Variants in ATM observed in about 807,000 individuals in gnomAD.
ATM encodes serine-protein kinase ATM.
A neutral mutation model predicts 387.0 loss-of-function variants in ATM; 308 were observed. The ratio of observed to expected loss-of-function variants is 0.80; its 90% CI spans 0.73 to 0.87. The LOEUF is 0.87. Ranked by LOEUF, ATM falls within the 40% of genes least tolerant of loss-of-function variation. The pLI, the probability that ATM is intolerant of heterozygous loss-of-function variation, is 0.00. For missense variants in ATM, 3,312 were observed against 3,560.9 expected (o/e 0.93, Z 1.78); for synonymous variants, 1,156 against 1,187.3 (o/e 0.97, Z 0.54).
Position 108,317,421 on chromosome 11 carries a change from G to A in ATM, c.6247G>A (p.Gly2083Arg), listed in dbSNP as rs1060501586. ...CCATATTCTTTCCGTCTATTTAAAA[G>A]GATTGGATTATGAAAATAAAGACTG... ...LCHILSVYLK[G>R]LDYENKDWCP... The change falls in exon 43 of 63, where the codon GGA (glycine) becomes AGA (arginine). Residue 2083 changes from glycine (G) to arginine (R), a missense_variant. Transcript: ENST00000675843. 1.2e-6 allele frequency: 2 copies of A among 1,612,124 alleles called. No homozygotes were observed. Among genetic ancestry groups the A allele is most frequent in the African/African-American group, 2.7e-5 (2 of 74,584 alleles).
At position 108,366,406 on chromosome 11, in the gene ATM, T is replaced by A. The variant is rs2091333571; in HGVS notation, c.*898T>A. The stretch of plus-strand genomic sequence containing the variant: ...GATGTCATTTTTAATGTTTTTTTAA[T>A]GTTTTTTATGTCACTAATTATTTTA... On this transcript the variant is annotated 3_prime_UTR_variant, in exon 63 of 63. Transcript: ENST00000675843. 4.6e-6 allele frequency: 1 copy of A among 218,330 alleles called. No homozygotes were observed. The allele number at this position is 218,330 out of a possible 1,614,324, so 13.5% of individuals were successfully genotyped here. A position where few individuals can be genotyped will look rare whatever the true frequency, so the allele number is the denominator to read the frequency against.
chr11:108,324,437 TATG>T (rs551223578), intron 45 of ATM, among the ~76,000 whole-genome samples: 15 of 152,296 alleles, frequency 9.8e-5, no homozygotes, highest in Middle Eastern at 3.4e-3. Flanking sequence ...GTCTTTCTAA[TATG>T]ATATCATATC....
intron 5 of ATM, chr11:108,236,262 G>T: frequency 4.3e-6 from 1 of 234,964 alleles, no homozygotes; most frequent in Non-Finnish European, 8.5e-6. Context: ...AGTGAAAGCA[G>T]GCAGGGTGCA....
At chr11:108,327,252 G>A in intron 47 of ATM, 1 of 254,398 alleles carries the variant, frequency 3.9e-6, no homozygotes, top group Non-Finnish European at 7.7e-6. Context: ...TATTGGCCCT[G>A]AAGTATGTGC....
chr11:108,274,751 C>G (rs947499465), intron 22 of ATM, among the ~76,000 whole-genome samples: 1 of 152,090 alleles, frequency 6.6e-6, no homozygotes, highest in Non-Finnish European at 1.5e-5. Flanking sequence ...GATTTCCATT[C>G]TTTTGCATTT....
chr11:108,362,637 A>T (rs1464442246), intron 61 of ATM, among the ~76,000 whole-genome samples: 1 of 149,756 alleles, frequency 6.7e-6, no homozygotes, highest in African/African-American at 2.5e-5. Context: ...TGATGAGTTC[A>T]TGTCCTTTGT....
At chr11:108,321,556 G>A in intron 45 of ATM, 136 bp downstream of exon 45, 1 of 1,305,144 alleles carries the variant, frequency 7.7e-7, no homozygotes. Context: ...GCTGAAGTGG[G>A]TGGATCACTT....
At chr11:108,241,284 G>GT (rs2079542884) in intron 5 of ATM, among the ~76,000 whole-genome samples, 1 of 152,060 alleles carries the variant, frequency 6.6e-6, no homozygotes, top group Non-Finnish European at 1.5e-5. Context: ...GTTTTGTTTT[G>GT]TTTTTTAAGA....
intron 52 of ATM, 21 bp from the exon 53 acceptor site, chr11:108,332,741 T>C: frequency 6.2e-7 from 1 of 1,608,510 alleles, no homozygotes; most frequent in Non-Finnish European, 8.5e-7. Context: ...TTATGTAATG[T>C]TTTTTGTTTT....
At position 108,332,834 on chromosome 11, in the gene ATM, G is replaced by C. The variant is rs1555125355; in HGVS notation, c.7861G>C (p.Glu2621Gln). 6.2e-7 allele frequency: 1 copy of C among 1,613,176 alleles called. No individual in the cohort carries two copies. The highest frequency in any genetic ancestry group is 8.5e-7 in the Non-Finnish European group (1 of 1,179,542). The stretch of plus-strand genomic sequence containing the variant: ...GAGACCTCAGATGGTCAGAAGTGTT[G>C]AGGCACTTTGTGATGCTTATATTAT... ...SRRPQMVRSVEALCDAYIILA... is the reference protein window; with the variant it reads ...SRRPQMVRSVQALCDAYIILA... The change falls in exon 53 of 63, where the codon GAG becomes CAG. Residue 2621 changes from glutamate to glutamine, a missense_variant. This residue lies in a region of ATM where 1,405 missense variants were observed against 1,604.4 expected (regional missense o/e 0.88). Coordinates refer to ENST00000675843, the MANE Select transcript of ATM (RefSeq NM_000051.4).
intron 47 of ATM, 152 bp downstream of exon 47, chr11:108,326,377 T>C: frequency 2.6e-6 from 3 of 1,176,182 alleles, no homozygotes; most frequent in Non-Finnish European, 3.5e-6. Context: ...AAAATTAATT[T>C]GTAAATGAAG....
Position 108,366,397 on chromosome 11 carries a change from T to G in ATM, c.*889T>G. On this transcript the variant is annotated 3_prime_UTR_variant, in exon 63 of 63. Transcript: ENST00000675843. Reference sequence around the variant, plus strand: ...CTGTTTCTTGATGTCATTTTTAATGTTTTTTTAATGTTTTTTATGTCACTA... The same window carrying G: ...CTGTTTCTTGATGTCATTTTTAATGGTTTTTTAATGTTTTTTATGTCACTA... 1 of 215,802 alleles carries G rather than the reference T, an allele frequency of 4.6e-6. No homozygotes were observed. Among genetic ancestry groups the G allele is most frequent in the Non-Finnish European group, 9.2e-6 (1 of 108,364 alleles). The allele number at this position is 215,802 out of a possible 1,614,324, so 13.4% of individuals were successfully genotyped here.
intron 59 of ATM, among the ~76,000 whole-genome samples, chr11:108,352,291 A>T (rs1376914708): frequency 6.6e-6 from 1 of 152,238 alleles, no homozygotes; most frequent in South Asian, 2.1e-4. Context: ...AAAATATAGT[A>T]AGTCTCAGCA....
intron 18 of ATM, among the ~76,000 whole-genome samples, chr11:108,270,031 T>C (rs1002356005): frequency 1.3e-5 from 2 of 152,226 alleles, no homozygotes; most frequent in African/African-American, 4.8e-5. Flanking sequence ...ATTTCCTTTG[T>C]TAATATCTGA....
rs1267788108 is a variant in ATM at position 108,279,580 on chromosome 11, T to G, written c.3374T>G (p.Leu1125Trp). The change falls in exon 23 of 63, where the codon TTG becomes TGG. Residue 1125 changes from leucine to tryptophan, a missense_variant. By Grantham distance (61) the Leu-to-Trp change is moderately conservative. Coordinates refer to ENST00000675843, the MANE Select transcript of ATM (RefSeq NM_000051.4). The part of the protein sequence containing the change: ...LQQTAFENAY[L>W]KAQEGMREMS... ...CAAACAGCTTTTGAAAATGCATACT[T>G]GAAAGCTCAGGAAGGAATGAGAGAA... is the stretch of plus-strand genomic sequence containing the variant. 1 of 1,612,746 alleles carries G rather than the reference T, an allele frequency of 6.2e-7. No individual in the cohort carries two copies. Among genetic ancestry groups the G allele is most frequent in the African/African-American group, 1.3e-5 (1 of 75,004 alleles).
At position 108,293,316 on chromosome 11, in the gene ATM, T is replaced by G; in HGVS notation, c.4615T>G (p.Leu1539Val). Residue 1539 changes from leucine to valine, a missense_variant, in exon 31 of 63, where the codon TTG (leucine) becomes GTG (valine). Coordinates refer to ENST00000675843, the MANE Select transcript of ATM (RefSeq NM_000051.4). ...TTTCTTTTTAAATTATATTTAGGTATTGGACTTGTTGAAATACTTAGTGAT... is the reference window on the plus strand; with the variant it reads ...TTTCTTTTTAAATTATATTTAGGTAGTGGACTTGTTGAAATACTTAGTGAT... Reference protein sequence around the residue: ...YEQVEVQKQVLDLLKYLVIDN... With the variant: ...YEQVEVQKQVVDLLKYLVIDN... The G allele has an allele frequency of 6.5e-7, 1 of 1,529,164 alleles. No individual in the cohort carries two copies. Among genetic ancestry groups the G allele is most frequent in the Non-Finnish European group, 9.0e-7 (1 of 1,116,170 alleles). The allele number at this position is 1,529,164 out of a possible 1,614,324, so 94.7% of individuals were successfully genotyped here.
At chr11:108,354,014 G>T in intron 60 of ATM, 134 bp downstream of exon 60, 1 of 825,314 alleles carries the variant, frequency 1.2e-6, no homozygotes, top group African/African-American at 1.7e-5. Context: ...CCAGGAGTTT[G>T]AGTCCAGCCT....
chr11:108,241,389 A>G (rs1428897999), intron 5 of ATM, among the ~76,000 whole-genome samples: 1 of 152,226 alleles, frequency 6.6e-6, no homozygotes, highest in Non-Finnish European at 1.5e-5. Flanking sequence ...GTCATTTATT[A>G]TCATTATCAA....
chr11:108,293,669 T>G lies in ATM; in HGVS notation c.4776+192T>G, dbSNP rs187457042. 4.5e-3 allele frequency among the ~76,000 whole-genome samples: 679 copies of G among 151,976 alleles called. 4 individuals are homozygous for G. Among genetic ancestry groups the G allele is most frequent in the Middle Eastern group, 0.01 (3 of 294 alleles). ...GGGAGGCTGAGGCAGGAGGATTGCC[T>G]GAGCCCAGGAGTTCAAGACCAGCCT... On this transcript the variant is annotated intron_variant, in intron 31 of 62. Transcript: ENST00000675843.
Sources: gnomAD v4.1 joint callset for allele counts (sites outside exome capture counted in the v4.1 genomes callset) on GRCh38, gnomAD v4.1.1 for gene constraint, gnomAD v4.1.1 regional missense constraint, MANE v1.5 for transcripts, NCBI Gene and HGNC (gene_info 2026-07-23, HGNC 2026-07-21) for gene names.